MARCHF1: variants seen among roughly 807,000 people sequenced by gnomAD.
MARCHF1 encodes E3 ubiquitin-protein ligase MARCHF1.
In MARCHF1, 40 loss-of-function variants were observed where a neutral mutation model predicts 54.2. The ratio of observed to expected loss-of-function variants is 0.74; its 90% confidence interval spans 0.57 to 0.96. The LOEUF is 0.96. Among genes scored for constraint, MARCHF1 ranks in the 40% least tolerant of loss-of-function variants. The pLI is 0.00. For synonymous variants in MARCHF1, 236 were observed against 236.3 expected (o/e 1.00, Z 0.01); for missense variants, 586 against 656.5 (o/e 0.89, Z 1.17).
intron 2 of MARCHF1, among the ~76,000 whole-genome samples, chr4:164,101,561 T>C (rs1171279036): frequency 7.7e-6 from 1 of 129,702 alleles, no homozygotes; most frequent in Non-Finnish European, 1.7e-5. Flanking sequence ...TCCTCTCTGT[T>C]AGAAGGAAAA....
intron 2 of MARCHF1, among the ~76,000 whole-genome samples, chr4:163,999,696 G>T (rs902074135): frequency 6.6e-6 from 1 of 151,426 alleles, no homozygotes; most frequent in Non-Finnish European, 1.5e-5. Flanking sequence ...AACATTAATT[G>T]CTATTTATTG....
chr4:163,711,004 A>T (rs1321815892), intron 4 of MARCHF1, among the ~76,000 whole-genome samples: 3 of 152,078 alleles, frequency 2.0e-5, no homozygotes, highest in Non-Finnish European at 4.4e-5. Flanking sequence ...CTATGTTCAC[A>T]TGAGAACAAA....
At chr4:163,804,365 A>G (rs1748167208) in intron 4 of MARCHF1, among the ~76,000 whole-genome samples, 1 of 152,196 alleles carries the variant, frequency 6.6e-6, no homozygotes, top group Non-Finnish European at 1.5e-5. Context: ...TCATATGGGA[A>G]CTTCACAGAA....
chr4:164,356,533 G>A (rs1249397246), intron 1 of MARCHF1, among the ~76,000 whole-genome samples: 17 of 126,454 alleles, frequency 1.3e-4, no homozygotes, highest in Admixed American at 6.5e-4. Flanking sequence ...ACCAAACACC[G>A]CATATTCTCA....
At chr4:164,128,477 A>G (rs982556458) in intron 1 of MARCHF1, among the ~76,000 whole-genome samples, 1 of 152,060 alleles carries the variant, frequency 6.6e-6, no homozygotes, top group Non-Finnish European at 1.5e-5. Flanking sequence ...ATGAACAGAG[A>G]ATTCATAAAA....
At chr4:164,309,254 C>CTGTGTG (rs10577361) in intron 1 of MARCHF1, among the ~76,000 whole-genome samples, 1,680 of 147,928 alleles carry the variant, frequency 0.011, 12 homozygotes, top group South Asian at 0.039. Context: ...AATTTCTAAC[C>CTGTGTG]TGTGTGTGTG....
chr4:163,602,053 A>G (rs527489896), intron 7 of MARCHF1, among the ~76,000 whole-genome samples: 4 of 152,158 alleles, frequency 2.6e-5, no homozygotes, highest in African/African-American at 9.6e-5. Context: ...ATATATAAAG[A>G]AAAGATAACA....
intron 1 of MARCHF1, among the ~76,000 whole-genome samples, chr4:164,112,259 T>C (rs1755850210): frequency 1.3e-5 from 2 of 151,914 alleles, no homozygotes; most frequent in Admixed American, 1.3e-4. Flanking sequence ...TATTATCCCT[T>C]TGTATAAAAC....
At chr4:164,244,641 A>G (rs1732882215) in intron 1 of MARCHF1, among the ~76,000 whole-genome samples, 1 of 150,122 alleles carries the variant, frequency 6.7e-6, no homozygotes, top group African/African-American at 2.4e-5. Context: ...GACACAAAAA[A>G]CCCTTCAAAA....
intron 3 of MARCHF1, among the ~76,000 whole-genome samples, chr4:163,865,925 C>CT (rs1033938220): frequency 1.3e-5 from 2 of 151,486 alleles, no homozygotes; most frequent in African/African-American, 4.8e-5. Flanking sequence ...TGTCTCTGCC[C>CT]TTATTAAGGT....
intron 4 of MARCHF1, among the ~76,000 whole-genome samples, chr4:163,704,442 C>T (rs1050900853): frequency 6.6e-6 from 1 of 151,644 alleles, no homozygotes; most frequent in Non-Finnish European, 1.5e-5. Context: ...AATCTCATAC[C>T]TATTAAGTTA....
chr4:164,019,908 G>A (rs7687757), intron 2 of MARCHF1, among the ~76,000 whole-genome samples: 12,862 of 152,202 alleles, frequency 0.085, 664 homozygotes, highest in South Asian at 0.21. Flanking sequence ...AACTGTTTAC[G>A]CTAAGAAAAG....
chr4:164,325,417 T>C (rs554093509), intron 1 of MARCHF1, among the ~76,000 whole-genome samples: 20 of 151,428 alleles, frequency 1.3e-4, no homozygotes, highest in Admixed American at 3.3e-4. Flanking sequence ...AAAAGATGGA[T>C]TGTTTAGAAA....
intron 1 of MARCHF1, among the ~76,000 whole-genome samples, chr4:164,291,084 A>G (rs1487034852): frequency 6.6e-6 from 1 of 151,986 alleles, no homozygotes; most frequent in Non-Finnish European, 1.5e-5. Flanking sequence ...TACTCCAGAG[A>G]CTACGATTAA....
intron 4 of MARCHF1, among the ~76,000 whole-genome samples, chr4:163,840,849 G>A (rs1749317205): frequency 6.6e-6 from 1 of 151,802 alleles, no homozygotes. Flanking sequence ...AATGATTTTG[G>A]TAATCATTTT....
intron 2 of MARCHF1, among the ~76,000 whole-genome samples, chr4:164,017,640 G>A (rs1200870999): frequency 2.0e-5 from 3 of 151,782 alleles, no homozygotes; most frequent in Non-Finnish European, 4.4e-5. Context: ...ACTACAAAAT[G>A]CTGCTGAAAT....
intron 2 of MARCHF1, among the ~76,000 whole-genome samples, chr4:164,044,558 C>T (rs1484837397): frequency 1.3e-5 from 2 of 151,312 alleles, no homozygotes; most frequent in Non-Finnish European, 3.0e-5. Context: ...CAAATCCAAA[C>T]CATATCAATA....
At chr4:163,901,241 T>C (rs926886214) in intron 3 of MARCHF1, among the ~76,000 whole-genome samples, 21 of 152,204 alleles carry the variant, frequency 1.4e-4, no homozygotes, top group African/African-American at 5.1e-4. Context: ...ATGATTATAA[T>C]ATCTCATGGA....
At chr4:163,727,481 A>G (rs757305947) in intron 4 of MARCHF1, among the ~76,000 whole-genome samples, 8 of 150,548 alleles carry the variant, frequency 5.3e-5, no homozygotes, top group Non-Finnish European at 8.9e-5. Flanking sequence ...CTAATTTTGT[A>G]TTTTCAGTGG....
Sources: allele counts gnomAD v4.1 joint callset (sites outside exome capture counted in the v4.1 genomes callset), GRCh38; gene constraint gnomAD v4.1.1; transcripts MANE v1.5; gene names NCBI Gene and HGNC (gene_info 2026-07-23, HGNC 2026-07-21).